THOC1: variants seen among roughly 807,000 people sequenced by gnomAD.
THOC1 encodes the protein THO complex 1.
A neutral mutation model predicts 97.3 loss-of-function variants in THOC1; 29 were observed. That is an observed-to-expected ratio of 0.30 (90% CI 0.22 to 0.41). THOC1 has a LOEUF of 0.41. Ranked by LOEUF, THOC1 falls within the 10% of genes least tolerant of loss-of-function variation. THOC1 has a pLI of 1.00. For missense variants in THOC1, 529 were observed against 761.9 expected, an observed-to-expected ratio of 0.69 and a Z score of 3.60; for synonymous variants, 255 against 257.0, an observed-to-expected ratio of 0.99 and a Z score of 0.07.
At chr18:255,430 C>G (rs1055475051) in intron 7 of THOC1, among the ~76,000 whole-genome samples, 2 of 152,194 alleles carry the variant, frequency 1.3e-5, no homozygotes, top group Non-Finnish European at 2.9e-5. Context: ...CAGAGAAAGT[C>G]TGAGTGGTCT....
intron 15 of THOC1, among the ~76,000 whole-genome samples, chr18:224,702 A>G (rs915552624): frequency 2.0e-5 from 3 of 152,172 alleles, no homozygotes; most frequent in Non-Finnish European, 4.4e-5. Flanking sequence ...CAATAATAAG[A>G]TGTTTGTTCC....
Position 252,522 on chromosome 18 carries a change from A to G in THOC1, c.677+17T>C, listed in dbSNP as rs779907658. 4.4e-6 allele frequency: 7 copies of G among 1,596,336 alleles called. No homozygotes were observed. The highest frequency in any genetic ancestry group is 6.0e-6 in the Non-Finnish European group (7 of 1,164,156). On this transcript the variant is annotated intron_variant, in intron 9 of 20. Transcript: ENST00000261600. ...ATTATCTCTGTAAATCAAAAAGCTT[A>G]GGCTCTGAAAACTCACCACGTTGTT... is the stretch of plus-strand genomic sequence containing the variant.
At chr18:235,253 T>C (rs1488908215) in intron 11 of THOC1, among the ~76,000 whole-genome samples, 1 of 152,146 alleles carries the variant, frequency 6.6e-6, no homozygotes, top group African/African-American at 2.4e-5. Context: ...TATCTTTTCA[T>C]TTTCCTTGCA....
At chr18:225,877 G>A (rs1375219639) in intron 12 of THOC1, 1 of 154,272 alleles carries the variant, frequency 6.5e-6, no homozygotes, top group East Asian at 1.9e-4. Flanking sequence ...TGCACTAGGT[G>A]ATTTAAAGAC....
chr18:267,329 A>G (rs1457287932), intron 1 of THOC1, among the ~76,000 whole-genome samples: 2 of 152,170 alleles, frequency 1.3e-5, no homozygotes, highest in South Asian at 2.1e-4. Context: ...AACTTAGCCT[A>G]CTTCACAGTG....
In THOC1 at chr18:252,552, C is replaced by G. The variant is rs1460407913; in HGVS notation, c.664G>C (p.Ala222Pro). The G allele has an allele frequency of 6.2e-7, 1 of 1,611,164 alleles. No homozygotes were observed. Among genetic ancestry groups the G allele is most frequent in the East Asian group, 2.2e-5 (1 of 44,806 alleles). ...CTGAAAACTCACCACGTTGTTGGAG[C>G]TTCCTCGTCTCCCATTTCGCCTTCT... ...VEEGEMGDEE[A>P]PTTCSIPIDY... is the part of the protein sequence containing the mutation. The change falls in exon 9 of 21, where the codon GCT (alanine) becomes CCT (proline). Residue 222 changes from alanine (A) to proline (P), a missense_variant. Ala to Pro is a conservative substitution (Grantham distance 27). This residue lies in a region of THOC1 where 92 missense variants were observed against 127.0 expected (regional missense o/e 0.72). Coordinates refer to ENST00000261600, the MANE Select transcript of THOC1 (RefSeq NM_005131.3).
intron 11 of THOC1, among the ~76,000 whole-genome samples, chr18:239,854 A>C (rs1210638171): frequency 2.0e-5 from 3 of 152,120 alleles, no homozygotes; most frequent in Admixed American, 1.3e-4. Flanking sequence ...ACAGAGAAAA[A>C]ATTTTTTTTT....
chr18:248,495 G>A (rs1381749971), intron 9 of THOC1, among the ~76,000 whole-genome samples: 1 of 152,260 alleles, frequency 6.6e-6, no homozygotes, highest in Non-Finnish European at 1.5e-5. Flanking sequence ...TCTAGACTTC[G>A]ATATGAGGGG....
chr18:236,842 T>C (rs1044409159), intron 11 of THOC1, among the ~76,000 whole-genome samples: 7 of 152,152 alleles, frequency 4.6e-5, no homozygotes, highest in African/African-American at 1.7e-4. Flanking sequence ...TCTATTAACC[T>C]TGAGTTAGTT....
chr18:264,487 G>A (rs1912702628), intron 3 of THOC1, among the ~76,000 whole-genome samples: 1 of 152,162 alleles, frequency 6.6e-6, no homozygotes, highest in South Asian at 2.1e-4. Flanking sequence ...ATAGAAGGAA[G>A]ACAGTGCTTA....
rs28726224 is a variant in THOC1 at position 237,230 on chromosome 18, G to C, written c.918+9094C>G. Among the ~76,000 whole-genome samples the C allele has an allele frequency of 5.4e-3, 813 of 150,334 alleles. 4 individuals carry two copies. The highest frequency in any genetic ancestry group is 0.019 in the African/African-American group (755 of 40,708). ...GCTGGAGTGCAGTGGCACAATCGTG[G>C]CTTACTACAACCTCTGCCTCCCGGG... is the stretch of plus-strand genomic sequence containing the variant. On this transcript the variant is annotated intron_variant, in intron 11 of 20. Coordinates refer to ENST00000261600, the MANE Select transcript of THOC1 (RefSeq NM_005131.3).
At chr18:258,092 G>GA (rs1912491696) in intron 7 of THOC1, among the ~76,000 whole-genome samples, 1 of 151,758 alleles carries the variant, frequency 6.6e-6, no homozygotes, top group South Asian at 2.1e-4. Flanking sequence ...AACCAAAGGA[G>GA]AAAAAAAATC....
intron 11 of THOC1, among the ~76,000 whole-genome samples, chr18:236,347 A>C (rs989526328): frequency 7.7e-6 from 1 of 130,554 alleles, no homozygotes; most frequent in African/African-American, 2.8e-5. Flanking sequence ...AAAGAATAAG[A>C]TTCTTTTTTT....
intron 9 of THOC1, among the ~76,000 whole-genome samples, chr18:248,203 T>C (rs1275676663): frequency 6.6e-6 from 1 of 152,250 alleles, no homozygotes; most frequent in Non-Finnish European, 1.5e-5. Context: ...TTATTCAGAA[T>C]TAAAGATTAT....
chr18:220,517 G>A (rs1311486985), intron 17 of THOC1, among the ~76,000 whole-genome samples: 5 of 152,148 alleles, frequency 3.3e-5, no homozygotes, highest in Non-Finnish European at 7.4e-5. Flanking sequence ...TGTGCCATCA[G>A]ACTCCTACCA....
chr18:226,681 C>G (rs1172424330), intron 12 of THOC1, 120 bp downstream of exon 12: 1 of 645,784 alleles, frequency 1.5e-6, no homozygotes, highest in Non-Finnish European at 2.6e-6. Context: ...AGCTGCAATA[C>G]ATGTGTTTTA....
intron 17 of THOC1, among the ~76,000 whole-genome samples, chr18:221,957 C>G (rs1261083153): frequency 6.6e-6 from 1 of 152,108 alleles, no homozygotes; most frequent in Non-Finnish European, 1.5e-5. Flanking sequence ...GCCAGAAAGT[C>G]CATTTCCATT....
At chr18:259,811 T>TA in intron 5 of THOC1, 81 bp from the exon 6 acceptor site, 1 of 1,034,974 alleles carries the variant, frequency 9.7e-7, no homozygotes, top group Non-Finnish European at 1.4e-6. Context: ...AGTGAAATAT[T>TA]AAAGAACACT....
At chr18:255,118 C>T (rs545710019) in intron 7 of THOC1, among the ~76,000 whole-genome samples, 24 of 152,182 alleles carry the variant, frequency 1.6e-4, no homozygotes, top group Non-Finnish European at 3.1e-4. Flanking sequence ...TCTCTCTCTC[C>T]TTGGGCCTCC....
Sources: gnomAD v4.1 joint callset for allele counts (sites outside exome capture counted in the v4.1 genomes callset) on GRCh38, gnomAD v4.1.1 for gene constraint, gnomAD v4.1.1 regional missense constraint, MANE v1.5 for transcripts, NCBI Gene and HGNC (gene_info 2026-07-23, HGNC 2026-07-21) for gene names.